The following ANKFN1 variants were observed in gnomAD, a reference collection of about 807,000 sequenced individuals.
ANKFN1 encodes ankyrin repeat and fibronectin type III domain containing 1.
Under a neutral mutation model 108.7 loss-of-function variants are expected in ANKFN1, and 74 were observed. The ratio of observed to expected loss-of-function variants is 0.68; its 90% CI spans 0.56 to 0.83. The LOEUF (loss-of-function observed/expected upper bound fraction) is 0.83, where lower values mean the gene tolerates loss of function less well. ANKFN1 is among the 40% of genes least tolerant of loss of function. The pLI, the probability that ANKFN1 is intolerant of heterozygous loss-of-function variation, is 0.00. For missense variants in ANKFN1, 1,505 were observed against 1,382.3 expected (o/e 1.09, Z -1.41); for synonymous variants, 547 against 516.2 (o/e 1.06, Z -0.81).
At chr17:56,383,404 A>C (rs559863431) in intron 8 of ANKFN1, among the ~76,000 whole-genome samples, 1 of 152,334 alleles carries the variant, frequency 6.6e-6, no homozygotes, top group African/African-American at 2.4e-5. Context: ...ACACGCTAAT[A>C]TCACAATTAA....
chr17:56,244,669 A>G (rs1189965073), intron 3 of ANKFN1, among the ~76,000 whole-genome samples: 1 of 152,172 alleles, frequency 6.6e-6, no homozygotes, highest in Non-Finnish European at 1.5e-5. Flanking sequence ...AGGAATGAGC[A>G]TTGCTGGTTC....
At chr17:56,144,106 TG>T (rs1908091600) in intron 4 of ANKFN1, among the ~76,000 whole-genome samples, 1 of 142,816 alleles carries the variant, frequency 7.0e-6, no homozygotes, top group African/African-American at 2.8e-5. Flanking sequence ...TGTTCATCTT[TG>T]GATCCCTCCA....
At position 56,074,537 on chromosome 17, in the gene ANKFN1, G is replaced by A. The variant is rs959925378; in HGVS notation, c.288+28212G>A. On this transcript the variant is annotated intron_variant, in intron 4 of 12. Coordinates refer to the ANKFN1 transcript ENST00000635860. ...GGGAGTGGCAGCTTCTGAAACAGGCGCTGACAGCTGGTGAGGGATTTCATA... is the reference window on the plus strand; with the variant it reads ...GGGAGTGGCAGCTTCTGAAACAGGCACTGACAGCTGGTGAGGGATTTCATA... 2.0e-4 allele frequency among the ~76,000 whole-genome samples: 31 copies of A among 152,188 alleles called. 1 individual carries two copies. Among genetic ancestry groups the A allele is most frequent in the Admixed American group, 1.2e-3 (19 of 15,284 alleles).
chr17:56,408,380 G>A (rs190463303), intron 8 of ANKFN1, among the ~76,000 whole-genome samples: 3 of 151,912 alleles, frequency 2.0e-5, no homozygotes, highest in African/African-American at 7.2e-5. Context: ...TCTTTTCTTC[G>A]AGACACTCTA....
chr17:56,504,467 G>C (rs1216704233), intron 20 of ANKFN1, among the ~76,000 whole-genome samples: 1 of 151,934 alleles, frequency 6.6e-6, no homozygotes, highest in Non-Finnish European at 1.5e-5. Context: ...AAATCTACTG[G>C]ACTAGATCAT....
Position 56,350,920 on chromosome 17 carries a change from T to C in ANKFN1, c.343T>C (p.Tyr115His). Residue 115 changes from tyrosine to histidine, a missense_variant, in exon 5 of 21, where the codon TAT becomes CAT. Physicochemically the swap from Tyr to His is moderately conservative, Grantham distance 83. Coordinates refer to ENST00000682825, the MANE Select transcript of ANKFN1 (RefSeq NM_001370326.1). Reference protein sequence around the residue: ...KGSHSSFDEAYFRTRTDRLSL... With the variant: ...KGSHSSFDEAHFRTRTDRLSL... ...GAGCCACTCTTCCTTCGATGAGGCC[T>C]ATTTTAGGACAAGAACTGATCGGCT... The C allele has an allele frequency of 6.2e-7, 1 of 1,613,806 alleles. No individual in the cohort carries two copies. The highest frequency in any genetic ancestry group is 8.5e-7 in the Non-Finnish European group (1 of 1,179,868).
chr17:56,453,895 T>G (rs901177783), intron 11 of ANKFN1, among the ~76,000 whole-genome samples: 1 of 152,082 alleles, frequency 6.6e-6, no homozygotes, highest in African/African-American at 2.4e-5. Context: ...TATGAAACCT[T>G]TTTTTCCCCT....
chr17:56,244,279 T>G (rs1005985126), intron 3 of ANKFN1, among the ~76,000 whole-genome samples: 1 of 152,116 alleles, frequency 6.6e-6, no homozygotes, highest in Non-Finnish European at 1.5e-5. Flanking sequence ...CCTATTCCCT[T>G]AAGGAGCTTA....
chr17:56,193,310 A>C (rs1434520723), intron 1 of ANKFN1, among the ~76,000 whole-genome samples: 17 of 143,176 alleles, frequency 1.2e-4, no homozygotes, highest in African/African-American at 3.9e-4. Context: ...CTAGATGACG[A>C]GTTAGTGGGT....
intron 8 of ANKFN1, among the ~76,000 whole-genome samples, chr17:56,425,141 A>C (rs2048520630): frequency 6.6e-6 from 1 of 151,570 alleles, no homozygotes; most frequent in Non-Finnish European, 1.5e-5. Flanking sequence ...AAAAAAAAAA[A>C]AAGTAGCTGA....
intron 1 of ANKFN1, among the ~76,000 whole-genome samples, chr17:56,172,972 C>T (rs898986851): frequency 1.3e-5 from 2 of 152,180 alleles, no homozygotes; most frequent in Non-Finnish European, 2.9e-5. Flanking sequence ...TTTCAGTCCC[C>T]ACCACTGTGA....
chr17:56,084,997 G>A (rs1237249377), intron 4 of ANKFN1, among the ~76,000 whole-genome samples: 1 of 150,566 alleles, frequency 6.6e-6, no homozygotes, highest in Non-Finnish European at 1.5e-5. Context: ...TAATCTAGAT[G>A]TGTGATTTTG....
At chr17:56,388,988 G>A (rs2047353197) in intron 8 of ANKFN1, among the ~76,000 whole-genome samples, 2 of 150,284 alleles carry the variant, frequency 1.3e-5, no homozygotes, top group African/African-American at 4.9e-5. Context: ...CAGCCACTCT[G>A]GAAAACTGTT....
chr17:56,422,542 G>T (rs1032203495), intron 8 of ANKFN1, among the ~76,000 whole-genome samples: 3 of 151,954 alleles, frequency 2.0e-5, no homozygotes, highest in African/African-American at 7.3e-5. Context: ...CTCTGAATAT[G>T]CTGCTACAAT....
rs186463375 is a variant in ANKFN1 at position 56,514,307 on chromosome 17, A to T, written c.*3038A>T. 1.3e-5 allele frequency among the ~76,000 whole-genome samples: 2 copies of T among 152,314 alleles called. No homozygotes were observed. Among genetic ancestry groups the T allele is most frequent in the Admixed American group, 1.3e-4 (2 of 15,310 alleles). On this transcript the variant is annotated 3_prime_UTR_variant, in exon 21 of 21. Coordinates refer to ENST00000682825, the MANE Select transcript of ANKFN1 (RefSeq NM_001370326.1). ...CAAGTGTGAAACATAGTCCTAGGCC[A>T]CAAGAAGCTCACAATCTGATCTAAG...
intron 2 of ANKFN1, among the ~76,000 whole-genome samples, chr17:56,224,428 G>A (rs1345930802): frequency 2.6e-5 from 4 of 152,114 alleles, no homozygotes; most frequent in Non-Finnish European, 4.4e-5. Flanking sequence ...TGAACATATA[G>A]GAGCTAGATT....
At chr17:56,456,755 A>G in intron 11 of ANKFN1, 106 bp from the exon 12 acceptor site, 1 of 865,744 alleles carries the variant, frequency 1.2e-6, no homozygotes, top group Non-Finnish European at 1.9e-6. Flanking sequence ...AGGATAAGTG[A>G]CACTAAAGGG....
chr17:56,474,579 T>C (rs2050436587), intron 15 of ANKFN1, among the ~76,000 whole-genome samples: 1 of 152,180 alleles, frequency 6.6e-6, no homozygotes, highest in South Asian at 2.1e-4. Flanking sequence ...ATATTTGTCC[T>C]TTTCTGGTCT....
chr17:56,233,857 T>C (rs1916917307), intron 3 of ANKFN1, among the ~76,000 whole-genome samples: 1 of 152,152 alleles, frequency 6.6e-6, no homozygotes, highest in Non-Finnish European at 1.5e-5. Flanking sequence ...TTTATATATA[T>C]GTTAATGAGT....
Sources: gnomAD v4.1 joint callset for allele counts (sites outside exome capture counted in the v4.1 genomes callset) on GRCh38, gnomAD v4.1.1 for gene constraint, MANE v1.5 for transcripts, NCBI Gene and HGNC (gene_info 2026-07-23, HGNC 2026-07-21) for gene names.